KCNMB2: variants seen among roughly 807,000 people sequenced by gnomAD.
KCNMB2 encodes calcium-activated potassium channel subunit beta-2.
In KCNMB2, 9 loss-of-function variants were observed where a neutral mutation model predicts 24.5. The ratio of observed to expected loss-of-function variants is 0.37; its 90% CI spans 0.22 to 0.64. The LOEUF is 0.64. Ranked by LOEUF, KCNMB2 falls within the 30% of genes least tolerant of loss-of-function variation. The pLI, the probability that KCNMB2 is intolerant of heterozygous loss-of-function variation, is 0.63. For missense variants in KCNMB2, 226 were observed against 284.3 expected, an observed-to-expected ratio of 0.79 and a Z score of 1.47; for synonymous variants, 109 against 104.4, an observed-to-expected ratio of 1.04 and a Z score of -0.27.
intron 3 of KCNMB2, among the ~76,000 whole-genome samples, chr3:178,826,074 T>C (rs1444348993): frequency 6.6e-6 from 1 of 152,150 alleles, no homozygotes; most frequent in Non-Finnish European, 1.5e-5. Flanking sequence ...CCCAGTGTCA[T>C]ACAGCTCTTG....
At chr3:178,777,439 CAA>C (rs1241726561) in intron 1 of KCNMB2, among the ~76,000 whole-genome samples, 2 of 151,980 alleles carry the variant, frequency 1.3e-5, no homozygotes, top group Admixed American at 6.6e-5. Flanking sequence ...GTCTCAAAAA[CAA>C]AAAAGTCAGA....
At chr3:178,805,796 A>AT (rs1045329490) in intron 1 of KCNMB2, among the ~76,000 whole-genome samples, 3 of 151,622 alleles carry the variant, frequency 2.0e-5, no homozygotes, top group African/African-American at 7.3e-5. Context: ...CACGTGGCTA[A>AT]TTTTTTTTAT....
chr3:178,754,097 T>C (rs1723938115), intron 1 of KCNMB2, among the ~76,000 whole-genome samples: 1 of 145,534 alleles, frequency 6.9e-6, no homozygotes, highest in African/African-American at 2.5e-5. Context: ...CATTTATTCA[T>C]ATTGTCACAA....
intron 1 of KCNMB2, among the ~76,000 whole-genome samples, chr3:178,573,616 G>C (rs1325360091): frequency 6.6e-6 from 1 of 151,150 alleles, no homozygotes; most frequent in African/African-American, 2.4e-5. Context: ...AGGTGTGGTG[G>C]TGCATGCCTC....
Position 178,801,107 on chromosome 3 carries a change from G to A in KCNMB2, c.-67-6236G>A, listed in dbSNP as rs372810119. Among the ~76,000 whole-genome samples, 49 of 152,172 alleles carry A rather than the reference G, an allele frequency of 3.2e-4. 1 individual carries two copies. The South Asian group carries it at 1.0e-2, about 31-fold the overall frequency. On this transcript the variant is annotated intron_variant, in intron 1 of 4. Coordinates refer to ENST00000452583, the MANE Select transcript of KCNMB2 (RefSeq NM_181361.3). ...TAGTTGATAGAATGAATAAGATCTAGTATTTAATAGCACAACAGGGTGACT... is the reference window on the plus strand; with the variant it reads ...TAGTTGATAGAATGAATAAGATCTAATATTTAATAGCACAACAGGGTGACT...
intron 1 of KCNMB2, among the ~76,000 whole-genome samples, chr3:178,608,964 T>C (rs1182352336): frequency 6.6e-6 from 1 of 152,192 alleles, no homozygotes; most frequent in Non-Finnish European, 1.5e-5. Context: ...AGTGCAACTA[T>C]CTCTTCAATA....
chr3:178,718,880 G>A lies in KCNMB2; in HGVS notation c.-67-88463G>A, dbSNP rs550156096. On this transcript the variant is annotated intron_variant, in intron 1 of 4. Coordinates refer to ENST00000452583, the MANE Select transcript of KCNMB2 (RefSeq NM_181361.3). Reference sequence around the variant, plus strand: ...ATCTCTGTCTCATTCTAAACTCATAGTCCTGGATTTGGAAGCCCAAGTCTA... The same window carrying A: ...ATCTCTGTCTCATTCTAAACTCATAATCCTGGATTTGGAAGCCCAAGTCTA... 3.3e-5 allele frequency among the ~76,000 whole-genome samples: 5 copies of A among 152,150 alleles called. No homozygotes were observed. In the South Asian group the frequency reaches 8.3e-4, roughly 25 times the overall value.
chr3:178,714,464 C>T (rs1162823313), intron 1 of KCNMB2, among the ~76,000 whole-genome samples: 1 of 152,152 alleles, frequency 6.6e-6, no homozygotes, highest in Admixed American at 6.5e-5. Flanking sequence ...AGTGACTTTG[C>T]ACTAGGTCTT....
intron 1 of KCNMB2, among the ~76,000 whole-genome samples, chr3:178,538,747 C>A (rs1212579394): frequency 6.6e-6 from 1 of 152,042 alleles, no homozygotes; most frequent in East Asian, 1.9e-4. Context: ...ATGCCCACAA[C>A]CTGAAAAATA....
chr3:178,622,650 C>T (rs1447643479), intron 1 of KCNMB2, among the ~76,000 whole-genome samples: 1 of 152,166 alleles, frequency 6.6e-6, no homozygotes, highest in African/African-American at 2.4e-5. Flanking sequence ...CAGTTCTGAA[C>T]CTTGATCTTG....
chr3:178,600,176 T>C (rs971095967), intron 1 of KCNMB2, among the ~76,000 whole-genome samples: 4 of 152,070 alleles, frequency 2.6e-5, no homozygotes, highest in African/African-American at 7.2e-5. Context: ...CTGGGCCCAG[T>C]TGTGACTAGC....
intron 1 of KCNMB2, among the ~76,000 whole-genome samples, chr3:178,597,819 T>C (rs1004334200): frequency 6.6e-6 from 1 of 152,162 alleles, no homozygotes; most frequent in Non-Finnish European, 1.5e-5. Context: ...ATTTTCATCT[T>C]TTCCTCTCTG....
chr3:178,829,743 A>G lies in KCNMB2; in HGVS notation c.423+1370A>G, dbSNP rs143335139. Among the ~76,000 whole-genome samples the G allele has an allele frequency of 2.8e-3, 430 of 152,336 alleles. 4 individuals carry two copies. Among genetic ancestry groups the G allele is most frequent in the African/African-American group, 9.8e-3 (409 of 41,582 alleles). On this transcript the variant is annotated intron_variant, in intron 4 of 4. Transcript: ENST00000452583. Reference sequence around the variant, plus strand: ...TTTCATTTCCTCATTTTGACAATTTATCACTACAGCCCTGTGAATGCATTA... The same window carrying G: ...TTTCATTTCCTCATTTTGACAATTTGTCACTACAGCCCTGTGAATGCATTA...
chr3:178,699,986 C>T (rs1463947729), intron 1 of KCNMB2, among the ~76,000 whole-genome samples: 3 of 152,198 alleles, frequency 2.0e-5, no homozygotes, highest in Non-Finnish European at 4.4e-5. Context: ...AAAAATGAGT[C>T]CCAGTGTGCA....
chr3:178,683,869 A>G (rs1721362383), intron 1 of KCNMB2, among the ~76,000 whole-genome samples: 1 of 152,230 alleles, frequency 6.6e-6, no homozygotes, highest in South Asian at 2.1e-4. Flanking sequence ...GAATGTAGAT[A>G]GGTGCAGCCA....
intron 1 of KCNMB2, among the ~76,000 whole-genome samples, chr3:178,714,281 T>C (rs900129211): frequency 2.6e-5 from 4 of 152,220 alleles, no homozygotes; most frequent in Non-Finnish European, 5.9e-5. Context: ...TTCGGTCCTA[T>C]GCTAGACATA....
chr3:178,563,260 G>A (rs1249124411), intron 1 of KCNMB2, among the ~76,000 whole-genome samples: 1 of 152,220 alleles, frequency 6.6e-6, no homozygotes, highest in Non-Finnish European at 1.5e-5. Flanking sequence ...AGGATTAAAT[G>A]AGTAAATATT....
chr3:178,738,004 C>T (rs573141555), intron 1 of KCNMB2, among the ~76,000 whole-genome samples: 1 of 152,266 alleles, frequency 6.6e-6, no homozygotes, highest in Admixed American at 6.5e-5. Flanking sequence ...TATCCTCCCC[C>T]GACCCAAGAG....
rs1333906601 is a variant in KCNMB2, at chr3:178,758,523, G to GAT, written c.-67-48819_-67-48818dup. ...ATATATATATATATCTCCAAGAGGA[G>GAT]ATGTATATATATATATATATATATA... On this transcript the variant is annotated intron_variant, in intron 1 of 4. Coordinates refer to ENST00000452583, the MANE Select transcript of KCNMB2 (RefSeq NM_181361.3). Among the ~76,000 whole-genome samples the GAT allele has an allele frequency of 2.8e-3, 55 of 19,596 alleles. 6 individuals are homozygous for GAT. Among genetic ancestry groups the GAT allele is most frequent in the East Asian group, 4.4e-3 (3 of 688 alleles). 12.9% of individuals were successfully genotyped at this position (19,596 alleles called of 152,430 possible).
Sources: gnomAD v4.1 joint callset for allele counts (sites outside exome capture counted in the v4.1 genomes callset) on GRCh38, gnomAD v4.1.1 for gene constraint, MANE v1.5 for transcripts, NCBI Gene and HGNC (gene_info 2026-07-23, HGNC 2026-07-21) for gene names.